Variants in RPS6KA2 observed in about 807,000 individuals in gnomAD.
RPS6KA2 encodes the protein ribosomal protein S6 kinase A2, also known as ribosomal protein S6 kinase alpha-2.
RPS6KA2 carries 42 observed loss-of-function variants against 91.8 expected under a neutral mutation model. That is an observed-to-expected ratio of 0.46 (90% CI 0.36 to 0.59). The LOEUF is 0.59. Ranked by LOEUF, RPS6KA2 falls within the 20% of genes least tolerant of loss-of-function variation. The pLI, the probability that RPS6KA2 is intolerant of heterozygous loss-of-function variation, is 0.00. For missense variants in RPS6KA2, 798 were observed against 978.5 expected, an observed-to-expected ratio of 0.82 and a Z score of 2.46; for synonymous variants, 414 against 393.6, an observed-to-expected ratio of 1.05 and a Z score of -0.61.
chr6:166,545,723 T>C (rs1009735976), intron 1 of RPS6KA2, among the ~76,000 whole-genome samples: 1 of 152,218 alleles, frequency 6.6e-6, no homozygotes, highest in Non-Finnish European at 1.5e-5. Context: ...TTCGCCTTCA[T>C]TGCCTGTTGT....
chr6:166,510,272 C>G lies in RPS6KA2; in HGVS notation c.379+5G>C, dbSNP rs778212193. 1 of 1,580,700 alleles carries G rather than the reference C, an allele frequency of 6.3e-7. No individual in the cohort carries two copies. Among genetic ancestry groups the G allele is most frequent in the South Asian group, 1.1e-5 (1 of 89,016 alleles). On this transcript the variant is annotated splice_donor_5th_base_variant and intron_variant, in intron 4 of 20. Coordinates refer to ENST00000265678, the MANE Select transcript of RPS6KA2 (RefSeq NM_021135.6). ...TCTTTAAAGTGTCATTTTGACTCTA[C>G]TTACCATAATGAAGCTTCACAATGA...
intron 2 of RPS6KA2, among the ~76,000 whole-genome samples, chr6:166,673,496 C>T (rs1174212035): frequency 3.3e-5 from 5 of 152,292 alleles, no homozygotes. Context: ...GACAACTCTG[C>T]ACAGCCCTAC....
intron 2 of RPS6KA2, among the ~76,000 whole-genome samples, chr6:166,739,826 G>A (rs1228741702): frequency 6.6e-5 from 10 of 152,220 alleles, no homozygotes; most frequent in African/African-American, 1.4e-4. Context: ...GCTTCCACTC[G>A]TGGTCCCGTG....
chr6:166,414,023 G>GCAA, intron 19 of RPS6KA2, 92 bp from the exon 20 acceptor site: 1 of 1,195,850 alleles, frequency 8.4e-7, no homozygotes, highest in Non-Finnish European at 1.2e-6. Context: ...TCCCTCTATG[G>GCAA]CAACACCCAA....
At chr6:166,856,916 A>T (rs1780916662) in intron 2 of RPS6KA2, among the ~76,000 whole-genome samples, 1 of 152,228 alleles carries the variant, frequency 6.6e-6, no homozygotes, top group Non-Finnish European at 1.5e-5. Flanking sequence ...CAAAGGTACA[A>T]GGCCAGGCCA....
chr6:166,812,970 G>C (rs931828707), intron 2 of RPS6KA2, among the ~76,000 whole-genome samples: 3 of 152,016 alleles, frequency 2.0e-5, no homozygotes, highest in African/African-American at 7.2e-5. Flanking sequence ...AGTCAAAAAG[G>C]CCTCATGGGG....
At chr6:166,438,343 G>A (rs80281999) in intron 14 of RPS6KA2, among the ~76,000 whole-genome samples, 4,271 of 152,234 alleles carry the variant, frequency 0.028, 154 homozygotes, top group South Asian at 0.098. Context: ...TCTTTTCAAC[G>A]GTCTCACGTG....
chr6:166,539,005 G>A (rs922924954), intron 1 of RPS6KA2, among the ~76,000 whole-genome samples: 23 of 151,348 alleles, frequency 1.5e-4, no homozygotes, highest in East Asian at 5.8e-4. Flanking sequence ...GCTGGATCTC[G>A]GCTCACTGCA....
chr6:166,702,221 G>A, intron 2 of RPS6KA2: 1 of 1,610,904 alleles, frequency 6.2e-7, no homozygotes, highest in Non-Finnish European at 8.5e-7. Flanking sequence ...AAATTGGGTG[G>A]GAACCAGCAG....
intron 2 of RPS6KA2, among the ~76,000 whole-genome samples, chr6:166,712,334 G>C (rs916051615): frequency 4.6e-5 from 7 of 152,242 alleles, no homozygotes; most frequent in African/African-American, 1.7e-4. Context: ...CGTCAGGGCA[G>C]GGGCCCCTCT....
chr6:166,444,916 C>G (rs759986491), intron 14 of RPS6KA2, among the ~76,000 whole-genome samples: 1 of 152,136 alleles, frequency 6.6e-6, no homozygotes, highest in Non-Finnish European at 1.5e-5. Flanking sequence ...AGCAGGGACT[C>G]AAGTTAAAAA....
intron 2 of RPS6KA2, among the ~76,000 whole-genome samples, chr6:166,647,972 ACACATGCTCACACACACG>A (rs200887755): frequency 0.2 from 23,457 of 115,030 alleles, 2,093 homozygotes; most frequent in East Asian, 0.28. Context: ...ACATACATAC[ACACATGCTCACACACACG>A]CACATGCTCA....
At chr6:166,709,698 A>G (rs1413428591) in intron 2 of RPS6KA2, among the ~76,000 whole-genome samples, 2 of 152,242 alleles carry the variant, frequency 1.3e-5, no homozygotes, top group African/African-American at 2.4e-5. Flanking sequence ...GTCCTGGCAC[A>G]TTCCTCAGTT....
intron 2 of RPS6KA2, among the ~76,000 whole-genome samples, chr6:166,673,272 T>A (rs1040445): frequency 0.54 from 81,784 of 151,968 alleles, 24,157 homozygotes; most frequent in African/African-American, 0.8. Context: ...AGGCTGCGGC[T>A]CTAGGGATCT....
At chr6:166,535,795 T>C (rs559696177) in intron 2 of RPS6KA2, among the ~76,000 whole-genome samples, 10 of 152,368 alleles carry the variant, frequency 6.6e-5, no homozygotes, top group African/African-American at 2.4e-4. Context: ...TTTCTGTGCT[T>C]TTCTCTGGTC....
At chr6:166,532,865 G>T (rs1258830224) in intron 2 of RPS6KA2, among the ~76,000 whole-genome samples, 1 of 152,066 alleles carries the variant, frequency 6.6e-6, no homozygotes, top group Non-Finnish European at 1.5e-5. Context: ...GTGTGTGTGT[G>T]TCCCCAAAGC....
At position 166,825,603 on chromosome 6, in the gene RPS6KA2, G is replaced by A. The variant is rs1780032270; in HGVS notation, c.123+32597C>T. On this transcript the variant is annotated intron_variant, in intron 2 of 21. Transcript: ENST00000503859. This position sits in a 1 kb window ranked among gnomAD's most constrained non-coding sequence, Gnocchi z 4.1. The stretch of plus-strand genomic sequence containing the variant: ...AAATGTAGTGGTCCCAGGTCTGGAG[G>A]CTGGAAGTCCAAGGTCAAGGCACCA... Among the ~76,000 whole-genome samples, 2 of 152,148 alleles carry A rather than the reference G, an allele frequency of 1.3e-5. No homozygotes were observed. Among genetic ancestry groups the A allele is most frequent in the South Asian group, 2.1e-4 (1 of 4,830 alleles).
intron 2 of RPS6KA2, among the ~76,000 whole-genome samples, chr6:166,772,040 C>T (rs776842233): frequency 1.1e-4 from 16 of 152,194 alleles, no homozygotes; most frequent in African/African-American, 3.4e-4. Context: ...CCCAACTGGA[C>T]GGTAATTAAT....
intron 2 of RPS6KA2, among the ~76,000 whole-genome samples, chr6:166,857,339 T>C (rs1331815241): frequency 6.6e-6 from 1 of 152,196 alleles, no homozygotes; most frequent in Non-Finnish European, 1.5e-5. Flanking sequence ...GCCAAGTCAA[T>C]GGCCCACGGC....
Sources: gnomAD v4.1 joint callset for allele counts (sites outside exome capture counted in the v4.1 genomes callset) on GRCh38, gnomAD v4.1.1 for gene constraint, Gnocchi (gnomAD v3.1) non-coding constraint, MANE v1.5 for transcripts, NCBI Gene and HGNC (gene_info 2026-07-23, HGNC 2026-07-21) for gene names.